The following PDE3B variants were observed in gnomAD, a reference collection of about 807,000 sequenced individuals.
The protein encoded by PDE3B is phosphodiesterase 3B, also known as cGMP-inhibited 3',5'-cyclic phosphodiesterase 3B.
A neutral mutation model predicts 116.8 loss-of-function variants in PDE3B; 66 were observed. The ratio of observed to expected loss-of-function variants is 0.56; its 90% CI spans 0.46 to 0.69. The LOEUF (loss-of-function observed/expected upper bound fraction) is 0.69, where lower values mean the gene tolerates loss of function less well. PDE3B is among the 30% of genes least tolerant of loss of function. The pLI is 0.00. For missense variants in PDE3B, 1,384 were observed against 1,368.1 expected, an observed-to-expected ratio of 1.01 and a Z score of -0.18; for synonymous variants, 595 against 533.6, an observed-to-expected ratio of 1.12 and a Z score of -1.59.
At chr11:14,668,113 G>A (rs1031854151) in intron 1 of PDE3B, among the ~76,000 whole-genome samples, 2 of 151,902 alleles carry the variant, frequency 1.3e-5, no homozygotes, top group African/African-American at 2.4e-5. Flanking sequence ...GAGACATCCA[G>A]GTAAGAGGAC....
chr11:14,692,381 T>C (rs781055383), intron 1 of PDE3B, among the ~76,000 whole-genome samples: 1 of 152,182 alleles, frequency 6.6e-6, no homozygotes, highest in Non-Finnish European at 1.5e-5. Flanking sequence ...CTCTTCACTT[T>C]ATATGAAGTA....
At chr11:14,824,714 G>T (rs892000928) in intron 7 of PDE3B, among the ~76,000 whole-genome samples, 4 of 152,140 alleles carry the variant, frequency 2.6e-5, no homozygotes, top group Non-Finnish European at 4.4e-5. Context: ...CATATTTCAG[G>T]ATATCATCCA....
chr11:14,721,109 G>A (rs1216801815), intron 1 of PDE3B, among the ~76,000 whole-genome samples: 3 of 148,624 alleles, frequency 2.0e-5, no homozygotes, highest in African/African-American at 7.4e-5. Flanking sequence ...CAAAAAGTGG[G>A]CAAAGGACAT....
At position 14,644,415 on chromosome 11, in the gene PDE3B, G is replaced by T. The variant is rs773548686; in HGVS notation, c.340G>T (p.Val114Leu). The change falls in exon 1 of 16, where the codon GTG becomes TTG. Residue 114 changes from valine (V) to leucine (L), a missense_variant. By Grantham distance (32) the Val-to-Leu change is conservative (BLOSUM62 1). This residue lies in a region of PDE3B where 956 missense variants were observed against 806.8 expected (regional missense o/e 1.18). Coordinates refer to ENST00000282096, the MANE Select transcript of PDE3B (RefSeq NM_000922.4). ...GAAWLRTLLS[V>L]CSHSLSPLFS... is the part of the protein sequence containing the mutation. ...CGCCTGGCTGCGGACGCTGCTGAGCGTGTGTTCGCACAGCTTGAGCCCCCT... is the reference window on the plus strand; with the variant it reads ...CGCCTGGCTGCGGACGCTGCTGAGCTTGTGTTCGCACAGCTTGAGCCCCCT... 6.2e-6 allele frequency: 10 copies of T among 1,610,578 alleles called. No homozygotes were observed. Among genetic ancestry groups the T allele is most frequent in the Non-Finnish European group, 8.5e-6 (10 of 1,178,782 alleles).
chr11:14,742,839 T>C (rs2133867186), intron 1 of PDE3B, among the ~76,000 whole-genome samples: 1 of 152,204 alleles, frequency 6.6e-6, no homozygotes, highest in East Asian at 1.9e-4. Flanking sequence ...GCAGGTCTGC[T>C]GGAGTTTGCT....
At chr11:14,897,247 T>A in the PDE3B span, among the ~76,000 whole-genome samples, 2 of 152,214 alleles carry the variant, frequency 1.3e-5, no homozygotes, top group Non-Finnish European at 2.9e-5. Context: ...TCCTAGAACT[T>A]GAATAATTTA....
In PDE3B at chr11:14,668,682, A is replaced by T. The variant is rs149402974; in HGVS notation, c.978+23629A>T. 3.3e-5 allele frequency among the ~76,000 whole-genome samples: 5 copies of T among 152,284 alleles called. No individual in the cohort carries two copies. The East Asian group carries it at 9.6e-4, about 29-fold the overall frequency. On this transcript the variant is annotated intron_variant, in intron 1 of 15. Transcript: ENST00000282096. ...AAAGGAAGGTCCCTTAGACATTTGA[A>T]GTTTTTCTGCAGCACAATCCTGTCT...
chr11:14,892,077 C>T, the PDE3B span: 12 of 1,611,686 alleles, frequency 7.4e-6, 1 homozygote, highest in Middle Eastern at 1.8e-4. Flanking sequence ...GCAGCCCCGG[C>T]GGCCCCGGGG....
chr11:14,792,414 AAAGT>A (rs147831509), intron 4 of PDE3B, among the ~76,000 whole-genome samples: 21,342 of 152,018 alleles, frequency 0.14, 2,150 homozygotes, highest in African/African-American at 0.29. Context: ...ATTTGGATAA[AAAGT>A]AATACCCTAT....
the PDE3B span, chr11:14,879,999 A>G: frequency 1.2e-6 from 1 of 826,364 alleles, no homozygotes; most frequent in Non-Finnish European, 1.8e-6. Context: ...TCTTTTTTGT[A>G]ACTATTAAAT....
intron 4 of PDE3B, among the ~76,000 whole-genome samples, chr11:14,797,838 A>G (rs946936769): frequency 2.0e-5 from 3 of 152,130 alleles, no homozygotes; most frequent in Non-Finnish European, 2.9e-5. Context: ...GGCTGAGACA[A>G]TGGGGTTTTA....
intron 14 of PDE3B, among the ~76,000 whole-genome samples, chr11:14,863,807 C>T (rs1447170938): frequency 6.6e-6 from 1 of 152,134 alleles, no homozygotes; most frequent in Non-Finnish European, 1.5e-5. Context: ...GAAGGACACA[C>T]TAAATATGGA....
chr11:14,872,462 A>C (rs1848153718), downstream of PDE3B, among the ~76,000 whole-genome samples: 1 of 152,162 alleles, frequency 6.6e-6, no homozygotes, highest in South Asian at 2.1e-4. Context: ...AAGCCAAAAG[A>C]GATTTAGGGT....
intron 1 of PDE3B, among the ~76,000 whole-genome samples, chr11:14,670,749 C>T (rs1389076456): frequency 2.0e-5 from 3 of 152,114 alleles, no homozygotes; most frequent in African/African-American, 4.8e-5. Flanking sequence ...TCAAATTTTA[C>T]GTAAGAGGAA....
intron 12 of PDE3B, among the ~76,000 whole-genome samples, chr11:14,847,904 G>A (rs988171393): frequency 2.0e-5 from 3 of 152,088 alleles, no homozygotes; most frequent in African/African-American, 7.2e-5. Flanking sequence ...AATTCTACCA[G>A]AGGTACAAGG....
intron 1 of PDE3B, among the ~76,000 whole-genome samples, chr11:14,686,396 A>G (rs1854874208): frequency 6.6e-6 from 1 of 152,228 alleles, no homozygotes; most frequent in African/African-American, 2.4e-5. Flanking sequence ...TGCTTAAACT[A>G]TACTTTAAAG....
chr11:14,849,519 G>T (rs1397623988), intron 12 of PDE3B, among the ~76,000 whole-genome samples: 1 of 152,118 alleles, frequency 6.6e-6, no homozygotes, highest in Admixed American at 6.5e-5. Context: ...CTTCTGCACA[G>T]CAAAAGAAAC....
At chr11:14,666,917 A>T (rs915101171) in intron 1 of PDE3B, among the ~76,000 whole-genome samples, 4 of 152,138 alleles carry the variant, frequency 2.6e-5, no homozygotes, top group Non-Finnish European at 4.4e-5. Flanking sequence ...CATTTGACCC[A>T]GCCATCCCAT....
Position 14,645,057 on chromosome 11 carries a change from T to A in PDE3B, c.978+4T>A. On this transcript the variant is annotated splice_donor_region_variant and intron_variant, in intron 1 of 15. Transcript: ENST00000282096. ...GCCTTGTATTTCCAGAGAACAGGTA[T>A]GTTAGCTGGAAGGCGAGGTCTGGGA... 2 of 1,578,032 alleles carry A rather than the reference T, an allele frequency of 1.3e-6. No individual in the cohort carries two copies. The highest frequency in any genetic ancestry group is 1.7e-6 in the Non-Finnish European group (2 of 1,160,604).
Sources: gnomAD v4.1 joint callset for allele counts (sites outside exome capture counted in the v4.1 genomes callset) on GRCh38, gnomAD v4.1.1 for gene constraint, gnomAD v4.1.1 regional missense constraint, MANE v1.5 for transcripts, NCBI Gene and HGNC (gene_info 2026-07-23, HGNC 2026-07-21) for gene names.